The following CAMK2G variants were observed in gnomAD, a reference collection of about 807,000 sequenced individuals.
The protein encoded by CAMK2G is calcium/calmodulin dependent protein kinase II gamma.
CAMK2G carries 23 observed loss-of-function variants against 88.7 expected under a neutral mutation model. The ratio of observed to expected loss-of-function variants is 0.26; its 90% confidence interval spans 0.19 to 0.37. The LOEUF (loss-of-function observed/expected upper bound fraction) is 0.37. Ranked by LOEUF, CAMK2G falls within the 10% of genes least tolerant of loss-of-function variation. CAMK2G has a pLI of 1.00. For missense variants in CAMK2G, 476 were observed against 780.8 expected (o/e 0.61, Z 4.65); for synonymous variants, 263 against 294.8 (o/e 0.89, Z 1.11).
In CAMK2G at chr10:73,824,641, G is replaced by A. The variant is rs920884107; in HGVS notation, c.1156-557C>T. On this transcript the variant is annotated intron_variant, in intron 16 of 22. Coordinates refer to ENST00000423381, the MANE Select transcript of CAMK2G (RefSeq NM_001367534.1). ...GCCACGTCATGTGGTATGAGGGTCC[G>A]CAAGGAGGGGAGTAGCAGGCAACAT... Among the ~76,000 whole-genome samples, 7 of 152,184 alleles carry A rather than the reference G, an allele frequency of 4.6e-5. No individual in the cohort carries two copies. The East Asian group carries it at 5.8e-4, about 13-fold the overall frequency.
chr10:73,838,640 C>A (rs771001604), intron 13 of CAMK2G, among the ~76,000 whole-genome samples: 1 of 152,170 alleles, frequency 6.6e-6, no homozygotes, highest in African/African-American at 2.4e-5. Context: ...CCTTCCATTA[C>A]GAGAATTCTG....
rs555191801 is a variant in CAMK2G, at chr10:73,845,507, G to A, written c.819+1718C>T. ...TGAGGCAGGAGAATGGCATGAACCC[G>A]GGAGGCAGAGCTTGCAGTGAGACCG... On this transcript the variant is annotated intron_variant, in intron 10 of 22. Coordinates refer to ENST00000423381, the MANE Select transcript of CAMK2G (RefSeq NM_001367534.1). 8.6e-5 allele frequency among the ~76,000 whole-genome samples: 13 copies of A among 151,740 alleles called. No homozygotes were observed. The South Asian group carries it at 2.1e-3, about 24-fold the overall frequency.
intron 14 of CAMK2G, among the ~76,000 whole-genome samples, chr10:73,828,763 C>G (rs1021561467): frequency 3.3e-5 from 5 of 152,136 alleles, no homozygotes; most frequent in Admixed American, 6.6e-5. Context: ...AATAGAAACA[C>G]AGGAGTGCCA....
At chr10:73,865,912 G>A (rs1354898806) in intron 2 of CAMK2G, among the ~76,000 whole-genome samples, 7 of 104,328 alleles carry the variant, frequency 6.7e-5, no homozygotes, top group Admixed American at 4.2e-4. Flanking sequence ...GCCACTTCCC[G>A]CTTTTGCACA....
chr10:73,839,207 A>G lies in CAMK2G; in HGVS notation c.1009+332T>C, dbSNP rs140310927. ...ATCTAGTCCTAGCACCGGGCAGCTC[A>G]GGGCAATGCCCAGCACTGTCTCTGA... On this transcript the variant is annotated intron_variant, in intron 13 of 22. Coordinates refer to ENST00000423381, the MANE Select transcript of CAMK2G (RefSeq NM_001367534.1). The surrounding 1 kb of genome is among the most constrained non-coding windows in gnomAD (Gnocchi z 4.2). Among the ~76,000 whole-genome samples, 255 of 152,334 alleles carry G rather than the reference A, an allele frequency of 1.7e-3. 2 individuals are homozygous for G. The East Asian group carries it at 0.042, about 25-fold the overall frequency.
chr10:73,873,985 C>T (rs992996312), intron 1 of CAMK2G, among the ~76,000 whole-genome samples: 1 of 150,840 alleles, frequency 6.6e-6, no homozygotes, highest in Non-Finnish European at 1.5e-5. Context: ...CGCCCGGGCT[C>T]CGCAGCAGAG....
At chr10:73,841,850 T>C (rs900563951) in intron 12 of CAMK2G, 2 of 300,290 alleles carry the variant, frequency 6.7e-6, no homozygotes, top group South Asian at 4.8e-5. Context: ...TCCAAGATCC[T>C]AGAATGGCTA....
At chr10:73,873,366 G>T in intron 1 of CAMK2G, 1 of 1,304,022 alleles carries the variant, frequency 7.7e-7, no homozygotes. Flanking sequence ...TCAGGAGCGG[G>T]TGGGCGATGC....
intron 5 of CAMK2G, among the ~76,000 whole-genome samples, chr10:73,850,363 G>C (rs2094532216): frequency 6.6e-6 from 1 of 152,144 alleles, no homozygotes; most frequent in African/African-American, 2.4e-5. Flanking sequence ...TCAAACTCCT[G>C]ACAGGGAGCG....
At chr10:73,832,233 C>A (rs927541525) in intron 14 of CAMK2G, among the ~76,000 whole-genome samples, 2 of 152,068 alleles carry the variant, frequency 1.3e-5, no homozygotes, top group Non-Finnish European at 2.9e-5. Flanking sequence ...CCTTTTTTAT[C>A]CACATATTAT....
intron 14 of CAMK2G, among the ~76,000 whole-genome samples, chr10:73,828,513 C>T (rs1425643438): frequency 6.6e-6 from 1 of 152,206 alleles, no homozygotes; most frequent in African/African-American, 2.4e-5. Context: ...TCTCTCATTA[C>T]TAGAACTGTC....
At position 73,815,149 on chromosome 10, in the gene CAMK2G, T is replaced by C; in HGVS notation, c.1633A>G (p.Thr545Ala). The C allele has an allele frequency of 6.2e-7, 1 of 1,614,172 alleles. No individual in the cohort carries two copies. The highest frequency in any genetic ancestry group is 8.5e-7 in the Non-Finnish European group (1 of 1,180,026). ...DAACIAYIRL[T>A]QYIDGQGRPR... is the part of the protein sequence containing the mutation. ...CGACCCTGCCCGTCGATGTACTGGG[T>C]GAGGCGGATGTAGGCGATGCACGCT... The change falls in exon 22 of 23, where the codon ACC (threonine) becomes GCC (alanine). Residue 545 changes from threonine (T) to alanine (A), a missense_variant. Thr to Ala is a moderately conservative substitution (Grantham distance 58). Coordinates refer to ENST00000423381, the MANE Select transcript of CAMK2G (RefSeq NM_001367534.1).
intron 15 of CAMK2G, among the ~76,000 whole-genome samples, 179 bp downstream of exon 15, chr10:73,827,910 G>A (rs557886238): frequency 9.7e-4 from 148 of 152,322 alleles, no homozygotes; most frequent in Non-Finnish European, 1.8e-3. Context: ...CACTTTTTAG[G>A]CTACTGGGTG....
intron 13 of CAMK2G, among the ~76,000 whole-genome samples, chr10:73,838,965 G>A (rs951842882): frequency 5.9e-5 from 9 of 152,194 alleles, no homozygotes; most frequent in Admixed American, 2.0e-4. Flanking sequence ...GCACCACCAT[G>A]TTATTTATCA....
At chr10:73,866,221 G>C (rs932181502) in intron 2 of CAMK2G, among the ~76,000 whole-genome samples, 9 of 152,194 alleles carry the variant, frequency 5.9e-5, no homozygotes, top group African/African-American at 1.9e-4. Context: ...CACAGGAAGG[G>C]CAGCAAGAAG....
chr10:73,847,944 C>T (rs766255236), intron 9 of CAMK2G, 44 bp downstream of exon 9: 4 of 1,137,036 alleles, frequency 3.5e-6, no homozygotes, highest in South Asian at 1.2e-5. Context: ...GGAGCAAGGA[C>T]ATCTGCCCTT....
At chr10:73,838,017 G>A (rs2093420157) in intron 13 of CAMK2G, among the ~76,000 whole-genome samples, 1 of 152,238 alleles carries the variant, frequency 6.6e-6, no homozygotes, top group Non-Finnish European at 1.5e-5. Flanking sequence ...ACCACCTACA[G>A]GAGGGTTTTG....
At chr10:73,829,585 C>A (rs2091994271) in intron 14 of CAMK2G, among the ~76,000 whole-genome samples, 1 of 152,178 alleles carries the variant, frequency 6.6e-6, no homozygotes, top group African/African-American at 2.4e-5. Context: ...CAAGCGTGAG[C>A]CACCGCACAC....
At chr10:73,831,445 G>A (rs939089088) in intron 14 of CAMK2G, among the ~76,000 whole-genome samples, 10 of 150,670 alleles carry the variant, frequency 6.6e-5, no homozygotes, top group Non-Finnish European at 1.0e-4. Context: ...GGCTGAGGTT[G>A]GAGAATTGTT....
Sources: gnomAD v4.1 joint callset for allele counts (sites outside exome capture counted in the v4.1 genomes callset) on GRCh38, gnomAD v4.1.1 for gene constraint, Gnocchi (gnomAD v3.1) non-coding constraint, MANE v1.5 for transcripts, NCBI Gene and HGNC (gene_info 2026-07-23, HGNC 2026-07-21) for gene names.